The following RAB11FIP3 variants were observed in gnomAD, a reference collection of about 807,000 sequenced individuals.
RAB11FIP3 encodes the protein rab11 family-interacting protein 3.
In RAB11FIP3, 17 loss-of-function variants were observed where a neutral mutation model predicts 77.8. That is an observed-to-expected ratio of 0.22 (90% CI 0.15 to 0.33). The LOEUF is 0.33. RAB11FIP3 is among the 10% of genes least tolerant of loss of function. The pLI, the probability that RAB11FIP3 is intolerant of heterozygous loss-of-function variation, is 1.00. For synonymous variants in RAB11FIP3, 437 were observed against 448.2 expected (o/e 0.98, Z 0.31); for missense variants, 1,005 against 1,011.2 (o/e 0.99, Z 0.08).
rs558483791 is a variant in RAB11FIP3 at position 438,346 on chromosome 16, T to A, written c.714+11626T>A. 7.2e-5 allele frequency among the ~76,000 whole-genome samples: 11 copies of A among 151,796 alleles called. No homozygotes were observed. In the South Asian group the frequency reaches 2.3e-3, roughly 32 times the overall value. The stretch of plus-strand genomic sequence containing the variant: ...TGGTCTTGAACTGTTGACCTAGTGA[T>A]CTGCCCACCTCGGCCTCCCAGAGGG... On this transcript the variant is annotated intron_variant, in intron 1 of 13. Transcript: ENST00000262305.
chr16:454,997 C>T (rs1179033840), intron 1 of RAB11FIP3, among the ~76,000 whole-genome samples: 1 of 150,092 alleles, frequency 6.7e-6, no homozygotes, highest in Non-Finnish European at 1.5e-5. Context: ...TTGCAGTGAG[C>T]CGAGATTGCA....
chr16:433,028 CTTTTTT>C (rs920883186), intron 1 of RAB11FIP3, among the ~76,000 whole-genome samples: 1 of 40,886 alleles, frequency 2.4e-5, no homozygotes, highest in Non-Finnish European at 4.2e-5. Context: ...CCATATTTAT[CTTTTTT>C]TTTTTTTTTT....
chr16:503,219 C>A, intron 7 of RAB11FIP3, 122 bp downstream of exon 7: 1 of 692,588 alleles, frequency 1.4e-6, no homozygotes, highest in Non-Finnish European at 2.4e-6. Context: ...CCATGTCCTC[C>A]AGGGCTCCCC....
intron 3 of RAB11FIP3, among the ~76,000 whole-genome samples, chr16:478,456 G>C (rs1480817066): frequency 1.3e-5 from 2 of 152,102 alleles, no homozygotes; most frequent in African/African-American, 4.8e-5. Context: ...CTTCCAAAGT[G>C]CTGGGATTAC....
intron 1 of RAB11FIP3, among the ~76,000 whole-genome samples, chr16:442,065 C>G (rs1219394530): frequency 6.6e-6 from 1 of 152,204 alleles, no homozygotes; most frequent in East Asian, 1.9e-4. Context: ...GTCTCGTCTC[C>G]TGACCTCGTG....
chr16:502,982 T>G, intron 6 of RAB11FIP3, 22 bp from the exon 7 acceptor site: 1 of 1,565,622 alleles, frequency 6.4e-7, no homozygotes, highest in Non-Finnish European at 8.8e-7. Context: ...TTCTTCCCTC[T>G]GTTGTTGTGC....
rs935212916 is a variant in RAB11FIP3, at chr16:514,026, G to A, written c.1640+3226G>A. On this transcript the variant is annotated intron_variant, in intron 9 of 13. Transcript: ENST00000262305. The surrounding 1 kb of genome is among the most constrained non-coding windows in gnomAD (Gnocchi z 4.6). ...CGTGTGGACATCCTGCCGCCTCTGTGTGCTCTGGTGTGGAGGGGCACAAGA... is the reference window on the plus strand; with the variant it reads ...CGTGTGGACATCCTGCCGCCTCTGTATGCTCTGGTGTGGAGGGGCACAAGA... Among the ~76,000 whole-genome samples, 1 of 152,242 alleles carries A rather than the reference G, an allele frequency of 6.6e-6. No individual in the cohort carries two copies. The highest frequency in any genetic ancestry group is 2.4e-5 in the African/African-American group (1 of 41,466).
intron 1 of RAB11FIP3, among the ~76,000 whole-genome samples, chr16:437,260 A>C (rs1348070414): frequency 2.0e-5 from 3 of 149,616 alleles, no homozygotes; most frequent in African/African-American, 7.6e-5. Flanking sequence ...CCTGGGCGAC[A>C]GAGGGAGACT....
At chr16:467,135 G>A (rs1211542069) in intron 2 of RAB11FIP3, among the ~76,000 whole-genome samples, 1 of 152,214 alleles carries the variant, frequency 6.6e-6, no homozygotes, top group East Asian at 1.9e-4. Context: ...ACAAAGTAAG[G>A]CAGGAGCTAG....
chr16:498,498 T>C (rs1426924915), intron 6 of RAB11FIP3, among the ~76,000 whole-genome samples: 1 of 152,048 alleles, frequency 6.6e-6, no homozygotes, highest in Non-Finnish European at 1.5e-5. Context: ...TTTTTCTTTT[T>C]GTTTCTCTTC....
rs969834777 is a variant in RAB11FIP3 at position 520,194 on chromosome 16, C to T, written c.1933C>T (p.Arg645Cys). ...LKLEAEQRRG[R>C]SSSMGLQEYH... The stretch of plus-strand genomic sequence containing the variant: ...GCTGGAGGCCGAGCAGCGGCGGGGC[C>T]GCAGCAGCAGCATGGGCCTGCAGGA... The change falls in exon 12 of 14, where the codon CGC (arginine) becomes TGC (cysteine). Residue 645 changes from arginine (R) to cysteine (C), a missense_variant. Arg to Cys is a radical substitution (Grantham distance 180). Coordinates refer to ENST00000262305, the MANE Select transcript of RAB11FIP3 (RefSeq NM_014700.4). The T allele has an allele frequency of 1.0e-5, 16 of 1,545,298 alleles. No homozygotes were observed. The highest frequency in any genetic ancestry group is 1.3e-5 in the Non-Finnish European group (15 of 1,147,668).
At position 461,037 on chromosome 16, in the gene RAB11FIP3, G is replaced by A. The variant is rs1335457540; in HGVS notation, c.715-367G>A. On this transcript the variant is annotated intron_variant, in intron 1 of 13. Transcript: ENST00000262305. This position sits in a 1 kb window ranked among gnomAD's most constrained non-coding sequence, Gnocchi z 4.5. ...CAGCCTAATCCCGATTCCCTAAAGC[G>A]GCCCGCAGCCTTCTTGGCACCAGGG... Among the ~76,000 whole-genome samples, 3 of 152,194 alleles carry A rather than the reference G, an allele frequency of 2.0e-5. No individual in the cohort carries two copies. Among genetic ancestry groups the A allele is most frequent in the African/African-American group, 7.2e-5 (3 of 41,456 alleles).
At chr16:435,522 C>T (rs886201867) in intron 1 of RAB11FIP3, among the ~76,000 whole-genome samples, 21 of 152,298 alleles carry the variant, frequency 1.4e-4, no homozygotes, top group African/African-American at 4.8e-4. Context: ...AAATATACAT[C>T]ACACTTACAA....
chr16:485,321 C>T (rs952427813), intron 4 of RAB11FIP3, among the ~76,000 whole-genome samples: 5 of 152,158 alleles, frequency 3.3e-5, no homozygotes, highest in African/African-American at 1.2e-4. Flanking sequence ...TATAGGAGTC[C>T]TTTCGATATG....
intron 1 of RAB11FIP3, chr16:439,370 T>G (rs1438180112): frequency 6.6e-6 from 1 of 152,244 alleles, no homozygotes; most frequent in Non-Finnish European, 1.5e-5. Context: ...ATCAGTTAGT[T>G]GTAAACACCA....
At chr16:452,461 G>A (rs1191656189) in intron 1 of RAB11FIP3, 2 of 151,944 alleles carry the variant, frequency 1.3e-5, no homozygotes, top group Non-Finnish European at 2.9e-5. Context: ...TTGAGACAGA[G>A]TCTTGCTCTG....
intron 2 of RAB11FIP3, among the ~76,000 whole-genome samples, chr16:469,532 C>G (rs769133245): frequency 6.6e-6 from 1 of 151,934 alleles, no homozygotes; most frequent in Non-Finnish European, 1.5e-5. Flanking sequence ...GTAGATGGGA[C>G]TACAGGCATG....
At chr16:483,458 ACT>A (rs1218460417) in intron 4 of RAB11FIP3, among the ~76,000 whole-genome samples, 2 of 152,078 alleles carry the variant, frequency 1.3e-5, no homozygotes, top group Non-Finnish European at 2.9e-5. Context: ...CATTAAACAG[ACT>A]CTGACAAAGG....
At position 461,542 on chromosome 16, in the gene RAB11FIP3, C is replaced by T. The variant is rs2055605429; in HGVS notation, c.808+45C>T. The T allele has an allele frequency of 6.6e-7, 1 of 1,516,492 alleles. No individual in the cohort carries two copies. The highest frequency in any genetic ancestry group is 9.1e-7 in the Non-Finnish European group (1 of 1,093,556). 93.9% of individuals were successfully genotyped at this position (1,516,492 alleles called of 1,614,324 possible). On this transcript the variant is annotated intron_variant, in intron 2 of 13. Transcript: ENST00000262305. This position sits in a 1 kb window ranked among gnomAD's most constrained non-coding sequence, Gnocchi z 4.5. ...AGCTCCCACCTCCTCTCCCGTTCCTCAGCCACCCTCTCAGCCACCTGCACA... is the reference window on the plus strand; with the variant it reads ...AGCTCCCACCTCCTCTCCCGTTCCTTAGCCACCCTCTCAGCCACCTGCACA...
Sources: allele counts gnomAD v4.1 joint callset (sites outside exome capture counted in the v4.1 genomes callset), GRCh38; gene constraint gnomAD v4.1.1; non-coding constraint Gnocchi (gnomAD v3.1); transcripts MANE v1.5; gene names NCBI Gene and HGNC (gene_info 2026-07-23, HGNC 2026-07-21).